Variants in HECW2 observed in about 807,000 individuals in gnomAD.
HECW2 encodes the protein HECT, C2 and WW domain containing E3 ubiquitin protein ligase 2, also known as E3 ubiquitin-protein ligase HECW2.
In HECW2, 61 loss-of-function variants were observed where a neutral mutation model predicts 175.2. The ratio of observed to expected loss-of-function variants is 0.35; its 90% CI spans 0.28 to 0.43. The LOEUF (loss-of-function observed/expected upper bound fraction) is 0.43. Ranked by LOEUF, HECW2 falls within the 20% of genes least tolerant of loss-of-function variation. HECW2 has a pLI of 1.00. For missense variants in HECW2, 1,524 were observed against 2,000.5 expected (o/e 0.76, Z 4.54); for synonymous variants, 671 against 731.0 (o/e 0.92, Z 1.32).
chr2:196,554,476 CTAAA>C (rs1389436723), intron 1 of HECW2, among the ~76,000 whole-genome samples: 1 of 152,166 alleles, frequency 6.6e-6, no homozygotes, highest in South Asian at 2.1e-4. Context: ...CATCTACTAA[CTAAA>C]TGTTAGTAAA....
At chr2:196,263,223 T>A (rs1349257279) in intron 17 of HECW2, 1 of 152,218 alleles carries the variant, frequency 6.6e-6, no homozygotes, top group Non-Finnish European at 1.5e-5. Flanking sequence ...CTCCAGCTAC[T>A]GCTGTCTCTC....
intron 2 of HECW2, among the ~76,000 whole-genome samples, chr2:196,407,105 T>C (rs1376228902): frequency 6.6e-6 from 1 of 152,182 alleles, no homozygotes. Flanking sequence ...GCTTTCTCAG[T>C]AGAGCTTAGT....
chr2:196,250,259 A>G (rs1239092762), intron 19 of HECW2, among the ~76,000 whole-genome samples: 1 of 152,250 alleles, frequency 6.6e-6, no homozygotes, highest in Non-Finnish European at 1.5e-5. Flanking sequence ...TCTTACTAAG[A>G]TAAAGTCCAC....
chr2:196,560,669 C>A (rs1263607127), intron 1 of HECW2, among the ~76,000 whole-genome samples: 3 of 151,924 alleles, frequency 2.0e-5, no homozygotes, highest in African/African-American at 7.3e-5. Context: ...GTGGACTCTG[C>A]AGACATTTCC....
At chr2:196,424,777 AG>A (rs1254213392) in intron 2 of HECW2, among the ~76,000 whole-genome samples, 6 of 152,184 alleles carry the variant, frequency 3.9e-5, no homozygotes, top group African/African-American at 1.4e-4. Flanking sequence ...CCATCTCTAT[AG>A]CATAAAAGTA....
intron 1 of HECW2, among the ~76,000 whole-genome samples, chr2:196,446,524 T>A (rs1290499559): frequency 6.6e-6 from 1 of 152,232 alleles, no homozygotes; most frequent in East Asian, 1.9e-4. Context: ...ATGGTTTTCT[T>A]GGTAGAGCAC....
At chr2:196,403,327 C>T (rs1420536438) in intron 2 of HECW2, among the ~76,000 whole-genome samples, 2 of 152,116 alleles carry the variant, frequency 1.3e-5, no homozygotes, top group Non-Finnish European at 2.9e-5. Context: ...AACATGATCA[C>T]AGTAATAAAG....
intron 2 of HECW2, among the ~76,000 whole-genome samples, chr2:196,355,408 T>C (rs1031824186): frequency 6.6e-6 from 1 of 152,154 alleles, no homozygotes; most frequent in Non-Finnish European, 1.5e-5. Context: ...AGATCCAACA[T>C]TAGGCCCTTC....
intron 2 of HECW2, among the ~76,000 whole-genome samples, 198 bp from the exon 3 acceptor site, chr2:196,343,962 G>T (rs6761329): frequency 0.32 from 49,376 of 151,946 alleles, 10,380 homozygotes; most frequent in African/African-American, 0.6. Flanking sequence ...GAAGGCTGGG[G>T]GGAAAGAAGA....
intron 17 of HECW2, among the ~76,000 whole-genome samples, chr2:196,262,487 C>T (rs912304237): frequency 6.6e-6 from 1 of 152,170 alleles, no homozygotes; most frequent in African/African-American, 2.4e-5. Context: ...TTTATGGGTA[C>T]ACCTTCTGAT....
intron 2 of HECW2, among the ~76,000 whole-genome samples, chr2:196,392,320 A>T (rs1409165859): frequency 6.6e-6 from 1 of 152,170 alleles, no homozygotes; most frequent in Non-Finnish European, 1.5e-5. Flanking sequence ...CACTCTATGC[A>T]GCTTCCACTA....
intron 1 of HECW2, among the ~76,000 whole-genome samples, chr2:196,519,612 T>G (rs918065556): frequency 4.6e-5 from 7 of 152,322 alleles, no homozygotes; most frequent in African/African-American, 1.7e-4. Flanking sequence ...GGCAAAAAGG[T>G]AAAAGCTTCC....
At chr2:196,308,288 A>G (rs1460615502) in intron 10 of HECW2, 4 of 387,886 alleles carry the variant, frequency 1.0e-5, no homozygotes, top group African/African-American at 2.0e-5. Context: ...TCCTGTGCAT[A>G]TAATACCAGT....
chr2:196,365,739 G>A (rs772679878), intron 2 of HECW2, among the ~76,000 whole-genome samples: 11 of 152,096 alleles, frequency 7.2e-5, no homozygotes, highest in Admixed American at 3.9e-4. Flanking sequence ...TAGAAAGTAG[G>A]CCGTTAAACT....
chr2:196,443,375 G>A (rs1365670473), intron 1 of HECW2, among the ~76,000 whole-genome samples: 2 of 152,178 alleles, frequency 1.3e-5, no homozygotes, highest in African/African-American at 2.4e-5. Flanking sequence ...GCAAATATGG[G>A]AAGAACAAGG....
intron 17 of HECW2, among the ~76,000 whole-genome samples, chr2:196,267,098 C>G (rs779181288): frequency 2.0e-5 from 3 of 152,156 alleles, no homozygotes; most frequent in Non-Finnish European, 1.5e-5. Context: ...AAGGAGGAAA[C>G]AGCCTGCTGC....
At chr2:196,314,689 A>G (rs1236707569) in intron 10 of HECW2, among the ~76,000 whole-genome samples, 1 of 152,234 alleles carries the variant, frequency 6.6e-6, no homozygotes, top group East Asian at 1.9e-4. Context: ...AAAATAAAGG[A>G]AAGCATGCAA....
intron 1 of HECW2, among the ~76,000 whole-genome samples, chr2:196,460,776 ATTTTTTTTTT>A (rs201916150): frequency 2.3e-4 from 27 of 116,144 alleles, no homozygotes; most frequent in Middle Eastern, 4.5e-3. Context: ...ACACCTGGCA[ATTTTTTTTTT>A]TTTTTTTTTT....
intron 1 of HECW2, among the ~76,000 whole-genome samples, chr2:196,458,188 T>C (rs1351212325): frequency 6.6e-6 from 1 of 152,128 alleles, no homozygotes; most frequent in Non-Finnish European, 1.5e-5. Flanking sequence ...GAGGATCACT[T>C]GAGCCCAGGA....
Sources: allele counts gnomAD v4.1 joint callset (sites outside exome capture counted in the v4.1 genomes callset), GRCh38; gene constraint gnomAD v4.1.1; transcripts MANE v1.5; gene names NCBI Gene and HGNC (gene_info 2026-07-23, HGNC 2026-07-21).